Variants in CCM2 observed in about 807,000 individuals in gnomAD.
The protein encoded by CCM2 is CCM2 scaffold protein.
CCM2 carries 25 observed loss-of-function variants against 44.9 expected under a neutral mutation model. The observed-to-expected ratio is 0.56, with a 90% CI of 0.41 to 0.78. CCM2 has a LOEUF of 0.78. CCM2 is among the 30% of genes least tolerant of loss of function. The pLI, the probability that CCM2 is intolerant of heterozygous loss-of-function variation, is 0.00. For missense variants in CCM2, 481 were observed against 580.6 expected (o/e 0.83, Z 1.76); for synonymous variants, 219 against 241.1 (o/e 0.91, Z 0.85).
chr7:45,038,047 C>T (rs1051103040), intron 1 of CCM2, among the ~76,000 whole-genome samples: 3 of 151,926 alleles, frequency 2.0e-5, no homozygotes, highest in African/African-American at 7.3e-5. Context: ...GCATGGCAGC[C>T]CAGCCCCACC....
chr7:45,027,503 T>C (rs940905240), intron 1 of CCM2: 4 of 863,698 alleles, frequency 4.6e-6, no homozygotes, highest in African/African-American at 1.7e-5. Context: ...CTTTGTGTCT[T>C]TTTGTGCATG....
intron 1 of CCM2, among the ~76,000 whole-genome samples, chr7:45,001,279 C>T (rs1795615283): frequency 6.6e-6 from 1 of 152,212 alleles, no homozygotes; most frequent in Admixed American, 6.5e-5. Flanking sequence ...TCAGGGAGTC[C>T]TGTGGTGCTG....
At chr7:45,005,614 T>G (rs1404744014) in intron 1 of CCM2, among the ~76,000 whole-genome samples, 1 of 152,258 alleles carries the variant, frequency 6.6e-6, no homozygotes, top group African/African-American at 2.4e-5. Context: ...AGCATTTAAA[T>G]CACCCTCTAT....
At chr7:45,031,324 G>A (rs1265332084) in intron 1 of CCM2, among the ~76,000 whole-genome samples, 1 of 148,028 alleles carries the variant, frequency 6.8e-6, no homozygotes, top group East Asian at 2.0e-4. Flanking sequence ...GGAGGTTGCA[G>A]TGAGCCGAGA....
At chr7:45,014,118 A>T (rs899631178) in intron 1 of CCM2, among the ~76,000 whole-genome samples, 34 of 151,982 alleles carry the variant, frequency 2.2e-4, no homozygotes, top group Admixed American at 6.6e-4. Flanking sequence ...CTGGTCTCTT[A>T]TTTGTATTTT....
At chr7:45,025,886 C>T (rs1796669535) in intron 1 of CCM2, among the ~76,000 whole-genome samples, 1 of 152,058 alleles carries the variant, frequency 6.6e-6, no homozygotes, top group Non-Finnish European at 1.5e-5. Flanking sequence ...CAGTTCTTCT[C>T]AAGTGTCTCT....
intron 4 of CCM2, 131 bp downstream of exon 4, chr7:45,064,777 C>T: frequency 1.1e-6 from 1 of 945,162 alleles, no homozygotes; most frequent in South Asian, 1.5e-5. Context: ...AATTGTCTTT[C>T]CTGTCTCTGA....
At position 45,000,351 on chromosome 7, in the gene CCM2, GA is replaced by G; in HGVS notation, c.20del (p.Lys7ArgfsTer16). On this transcript the variant is annotated frameshift_variant, in exon 1 of 10. Transcript: ENST00000258781. LOFTEE classifies it high-confidence loss of function. ...GCGGCGATATGGAAGAGGAGGGCAA[GA>G]AGGGCAAGAAGGTGAGCGTGCGCGG... MEEEGK[K>X]GKKPGIVSPF... is the part of the protein sequence containing the mutation. 1 of 1,301,642 alleles carries G rather than the reference GA, an allele frequency of 7.7e-7. No individual in the cohort carries two copies. The highest frequency in any genetic ancestry group is 9.8e-7 in the Non-Finnish European group (1 of 1,017,160). 80.6% of individuals were successfully genotyped at this position (1,301,642 alleles called of 1,614,324 possible). A position where few individuals can be genotyped will look rare whatever the true frequency, so the allele number is the denominator to read the frequency against.
chr7:45,066,470 C>A (rs1238730961), intron 4 of CCM2, among the ~76,000 whole-genome samples: 1 of 152,164 alleles, frequency 6.6e-6, no homozygotes, highest in African/African-American at 2.4e-5. Flanking sequence ...TAGGATTAGG[C>A]ATCCAGAGTT....
intron 1 of CCM2, among the ~76,000 whole-genome samples, chr7:45,007,669 A>G (rs1480160456): frequency 6.6e-6 from 1 of 152,144 alleles, no homozygotes; most frequent in African/African-American, 2.4e-5. Flanking sequence ...CCCCTTTAAT[A>G]AGCATAATAG....
intron 2 of CCM2, among the ~76,000 whole-genome samples, chr7:45,053,065 C>T (rs1387104753): frequency 6.6e-6 from 1 of 152,210 alleles, no homozygotes; most frequent in Non-Finnish European, 1.5e-5. Flanking sequence ...TTCAGGTGGA[C>T]CTGGCTGGGC....
intron 2 of CCM2, among the ~76,000 whole-genome samples, chr7:45,048,531 G>A (rs978850955): frequency 3.3e-5 from 5 of 152,154 alleles, no homozygotes; most frequent in Admixed American, 1.3e-4. Context: ...CTGGGAGGCC[G>A]AGGCAGGCGG....
intron 1 of CCM2, among the ~76,000 whole-genome samples, chr7:45,014,960 A>G (rs1796208399): frequency 6.6e-6 from 1 of 152,192 alleles, no homozygotes; most frequent in Non-Finnish European, 1.5e-5. Context: ...CAATAGCACC[A>G]AGAATATTCA....
chr7:45,014,970 A>G (rs1295424118), intron 1 of CCM2, among the ~76,000 whole-genome samples: 1 of 152,156 alleles, frequency 6.6e-6, no homozygotes, highest in Non-Finnish European at 1.5e-5. Context: ...AAGAATATTC[A>G]TGTTGTGCAT....
intron 2 of CCM2, among the ~76,000 whole-genome samples, chr7:45,055,800 G>T (rs555701731): frequency 1.3e-5 from 2 of 152,182 alleles, no homozygotes; most frequent in Admixed American, 1.3e-4. Flanking sequence ...CTTCCCACCA[G>T]CCCTTACTGA....
chr7:45,043,466 C>T (rs28700899), intron 2 of CCM2, among the ~76,000 whole-genome samples: 20,176 of 151,946 alleles, frequency 0.13, 1,644 homozygotes, highest in Middle Eastern at 0.22. Flanking sequence ...AATTATACAC[C>T]GTGAACAAGT....
intron 2 of CCM2, among the ~76,000 whole-genome samples, 170 bp downstream of exon 2, chr7:45,038,596 A>G (rs1797338816): frequency 6.6e-6 from 1 of 152,244 alleles, no homozygotes; most frequent in Admixed American, 6.5e-5. Context: ...TGGATAACTG[A>G]AAACCCAGAT....
chr7:45,028,885 G>A (rs947314423), intron 1 of CCM2, among the ~76,000 whole-genome samples: 2 of 152,154 alleles, frequency 1.3e-5, no homozygotes, highest in African/African-American at 4.8e-5. Flanking sequence ...GGTGTCCACA[G>A]AGGAGTTCTT....
Position 45,072,756 on chromosome 7 carries a change from A to T in CCM2, c.776A>T (p.Glu259Val). The change falls in exon 7 of 10, where the codon GAG (glutamate) becomes GTG (valine). Residue 259 changes from glutamate to valine, a missense_variant. By Grantham distance (121) the Glu-to-Val change is moderately radical. Transcript: ENST00000258781. ...TCTTCTACAAAAGTGGACATTAAGG[A>T]GACCTACGAGGTGGAAGCCAGCACT... ...DDSSTKVDIK[E>V]TYEVEASTFC... The T allele has an allele frequency of 6.2e-7, 1 of 1,612,930 alleles. No individual in the cohort carries two copies. Among genetic ancestry groups the T allele is most frequent in the East Asian group, 2.2e-5 (1 of 44,890 alleles).
Sources: gnomAD v4.1 joint callset for allele counts (sites outside exome capture counted in the v4.1 genomes callset) on GRCh38, gnomAD v4.1.1 for gene constraint, MANE v1.5 for transcripts, NCBI Gene and HGNC (gene_info 2026-07-23, HGNC 2026-07-21) for gene names.